The following CDC5L variants were observed in gnomAD, a reference collection of about 807,000 sequenced individuals.
The protein encoded by CDC5L is cell division cycle 5-like protein.
A neutral mutation model predicts 104.1 loss-of-function variants in CDC5L; 18 were observed. That is an observed-to-expected ratio of 0.17 (90% CI 0.12 to 0.26). The LOEUF is 0.26. Ranked by LOEUF, CDC5L falls within the 10% of genes least tolerant of loss-of-function variation. CDC5L has a pLI of 1.00. For synonymous variants in CDC5L, 331 were observed against 322.7 expected (o/e 1.03, Z -0.28); for missense variants, 673 against 956.9 (o/e 0.70, Z 3.91).
intron 2 of CDC5L, 67 bp downstream of exon 2, chr6:44,390,438 T>C: frequency 3.1e-6 from 3 of 961,964 alleles, no homozygotes; most frequent in South Asian, 1.4e-5. Flanking sequence ...AAATGTCAAC[T>C]CTGTGAACCT....
At chr6:44,400,948 G>A (rs1246204638) in intron 5 of CDC5L, among the ~76,000 whole-genome samples, 1 of 152,170 alleles carries the variant, frequency 6.6e-6, no homozygotes, top group Non-Finnish European at 1.5e-5. Flanking sequence ...ATCAGTGTTT[G>A]AGATTTATTC....
intron 10 of CDC5L, among the ~76,000 whole-genome samples, 174 bp from the exon 11 acceptor site, chr6:44,424,245 C>T (rs1025231049): frequency 3.3e-5 from 5 of 152,106 alleles, no homozygotes; most frequent in African/African-American, 1.2e-4. Flanking sequence ...TATTCATCCC[C>T]TCAAGCATTT....
chr6:44,444,683 G>A (rs973664393), intron 14 of CDC5L, among the ~76,000 whole-genome samples: 2 of 152,158 alleles, frequency 1.3e-5, no homozygotes, highest in African/African-American at 4.8e-5. Context: ...AGGGAGTGTA[G>A]CCCTAGAAAG....
chr6:44,391,019 ATTAAACATATTTAATAT>A, intron 2 of CDC5L, among the ~76,000 whole-genome samples: 1 of 120,406 alleles, frequency 8.3e-6, no homozygotes, highest in African/African-American at 2.9e-5. Flanking sequence ...TATATTATAT[ATTAAACATATTTAATAT>A]GTTATATATT....
intron 14 of CDC5L, among the ~76,000 whole-genome samples, chr6:44,437,529 A>G (rs911975348): frequency 6.6e-6 from 1 of 152,194 alleles, no homozygotes; most frequent in Non-Finnish European, 1.5e-5. Flanking sequence ...CCTTAGCGCA[A>G]TATTTGAGCC....
intron 4 of CDC5L, among the ~76,000 whole-genome samples, chr6:44,394,459 G>A (rs567940010): frequency 4.6e-5 from 7 of 152,160 alleles, no homozygotes; most frequent in Admixed American, 6.5e-5. Context: ...CCTGTGAGAC[G>A]GTGATGGAGA....
intron 14 of CDC5L, among the ~76,000 whole-genome samples, chr6:44,433,079 G>A (rs541840816): frequency 3.3e-5 from 5 of 152,202 alleles, no homozygotes; most frequent in African/African-American, 9.6e-5. Flanking sequence ...TAAAAGGGCG[G>A]GATGGCTATA....
intron 14 of CDC5L, among the ~76,000 whole-genome samples, chr6:44,442,342 A>C: frequency 6.7e-6 from 1 of 149,546 alleles, no homozygotes; most frequent in South Asian, 2.1e-4. Flanking sequence ...CCTTTGTTCT[A>C]TTCCTCCTCT....
Position 44,445,635 on chromosome 6 carries a change from G to T in CDC5L, c.2092-20G>T, listed in dbSNP as rs760455833. 1.9e-6 allele frequency: 3 copies of T among 1,578,990 alleles called. No individual in the cohort carries two copies. Among genetic ancestry groups the T allele is most frequent in the Non-Finnish European group, 2.6e-6 (3 of 1,150,354 alleles). The stretch of plus-strand genomic sequence containing the variant: ...CTGCTTTTCTCATGTATGCTGATGT[G>T]ATCTTCCCCTGCTCTCCAGATAAAC... On this transcript the variant is annotated intron_variant, in intron 14 of 15. Coordinates refer to ENST00000371477, the MANE Select transcript of CDC5L (RefSeq NM_001253.4).
intron 4 of CDC5L, among the ~76,000 whole-genome samples, chr6:44,395,655 A>G (rs1481441390): frequency 6.6e-6 from 1 of 152,244 alleles, no homozygotes; most frequent in African/African-American, 2.4e-5. Context: ...ATTTAAAAAT[A>G]GAAATATCAG....
In CDC5L at chr6:44,406,347, A is replaced by G. The variant is rs1050556674; in HGVS notation, c.783A>G (p.Lys261=). The G allele has an allele frequency of 3.1e-6, 5 of 1,607,470 alleles. No homozygotes were observed. The highest frequency in any genetic ancestry group is 1.6e-4 in the Middle Eastern group (1 of 6,062). ...LRSEKEGRDR[K]KDKQHLKRKK... ...GTGAAAAAGAAGGAAGAGATAGAAA[A>G]AAAGACAAACAGCATTTGAAAAGGA... Residue 261 remains lysine, a synonymous_variant, in exon 7 of 16, where the codon AAA becomes AAG. Transcript: ENST00000371477.
chr6:44,426,435 A>G (rs1368725036), intron 12 of CDC5L, 47 bp from the exon 13 acceptor site: 13 of 1,092,314 alleles, frequency 1.2e-5, no homozygotes, highest in Admixed American at 4.1e-5. Flanking sequence ...TAACATTAAT[A>G]TATTATAGTG....
intron 8 of CDC5L, among the ~76,000 whole-genome samples, chr6:44,415,265 G>C (rs528864213): frequency 6.6e-6 from 1 of 152,180 alleles, no homozygotes; most frequent in Non-Finnish European, 1.5e-5. Flanking sequence ...AACTGGGAGC[G>C]TAGTAGTTAT....
At chr6:44,394,415 A>C (rs1443912783) in intron 4 of CDC5L, among the ~76,000 whole-genome samples, 2 of 152,202 alleles carry the variant, frequency 1.3e-5, no homozygotes, top group Non-Finnish European at 2.9e-5. Flanking sequence ...TTATTTGACT[A>C]TAGGCAAGTT....
At chr6:44,391,882 G>A (rs1240112966) in intron 2 of CDC5L, among the ~76,000 whole-genome samples, 1 of 152,102 alleles carries the variant, frequency 6.6e-6, no homozygotes, top group African/African-American at 2.4e-5. Context: ...TGGCTACTTG[G>A]GAGGCTGAGG....
intron 5 of CDC5L, among the ~76,000 whole-genome samples, chr6:44,401,970 C>CA (rs1389352740): frequency 1.5e-5 from 2 of 130,962 alleles, no homozygotes; most frequent in Admixed American, 1.6e-4. Flanking sequence ...CATGTCCCTA[C>CA]AAAGGACATG....
intron 10 of CDC5L, 56 bp from the exon 11 acceptor site, chr6:44,424,363 A>G: frequency 1.3e-6 from 2 of 1,498,758 alleles, no homozygotes; most frequent in Non-Finnish European, 1.8e-6. Context: ...GACTCATAAA[A>G]TACTGGTGGA....
chr6:44,417,492 G>A (rs1326260377), intron 8 of CDC5L, among the ~76,000 whole-genome samples: 1 of 152,108 alleles, frequency 6.6e-6, no homozygotes, highest in Non-Finnish European at 1.5e-5. Context: ...TAGATTTATG[G>A]GGAGGGAACA....
chr6:44,387,874 TCTC>T lies in CDC5L; in HGVS notation c.45+9_45+11del. The T allele has an allele frequency of 6.4e-7, 1 of 1,558,362 alleles. No individual in the cohort carries two copies. Among genetic ancestry groups the T allele is most frequent in the Middle Eastern group, 1.7e-4 (1 of 6,006 alleles). ...GCGTATGGAGGAATACCGAGGTAAGTCTCCTTTTCCCGCCGTCCGCTGCCCGCC... is the reference window on the plus strand; with the variant it reads ...GCGTATGGAGGAATACCGAGGTAAGTCTTTTCCCGCCGTCCGCTGCCCGCC... On this transcript the variant is annotated splice_region_variant and intron_variant, in intron 1 of 15. Transcript: ENST00000371477.
Sources: gnomAD v4.1 joint callset for allele counts (sites outside exome capture counted in the v4.1 genomes callset) on GRCh38, gnomAD v4.1.1 for gene constraint, MANE v1.5 for transcripts, NCBI Gene and HGNC (gene_info 2026-07-23, HGNC 2026-07-21) for gene names.